STPG2: variants seen among roughly 807,000 people sequenced by gnomAD.
The protein encoded by STPG2 is sperm tail PG-rich repeat containing 2.
STPG2 carries 56 observed loss-of-function variants against 54.2 expected under a neutral mutation model. The observed-to-expected ratio is 1.03, with a 90% CI of 0.83 to 1.29. The LOEUF (loss-of-function observed/expected upper bound fraction) is 1.29, where lower values mean the gene tolerates loss of function less well. Ranked by LOEUF, STPG2 falls within the 50% of genes most tolerant of loss-of-function variation. The probability of loss-of-function intolerance (pLI) is 0.00; values close to 1 mark genes in which losing one functional copy is unlikely to be tolerated. For missense variants in STPG2, 596 were observed against 544.9 expected (o/e 1.09, Z -0.93); for synonymous variants, 200 against 181.8 (o/e 1.10, Z -0.81).
intron 4 of STPG2, among the ~76,000 whole-genome samples, chr4:97,553,555 G>A (rs1423636546): frequency 1.3e-5 from 2 of 152,078 alleles, no homozygotes; most frequent in African/African-American, 4.8e-5. Flanking sequence ...CAGATTCTCA[G>A]TATCTGCTTA....
chr4:97,747,366 T>C (rs1298279817), intron 9 of STPG2, among the ~76,000 whole-genome samples: 1 of 151,420 alleles, frequency 6.6e-6, no homozygotes, highest in Non-Finnish European at 1.5e-5. Context: ...GCAATGGAGC[T>C]TAATCCATGT....
At chr4:97,813,268 C>T (rs13105521) in intron 9 of STPG2, among the ~76,000 whole-genome samples, 40,416 of 151,870 alleles carry the variant, frequency 0.27, 5,787 homozygotes, top group Middle Eastern at 0.37. Context: ...AAATGGAAGG[C>T]TACCTATCAG....
intron 10 of STPG2, among the ~76,000 whole-genome samples, chr4:97,657,701 G>A (rs1238036197): frequency 1.3e-5 from 2 of 152,124 alleles, no homozygotes; most frequent in Admixed American, 6.5e-5. Flanking sequence ...ATTGTTTGAT[G>A]TGAACTCAAA....
At chr4:97,719,301 G>C (rs1360039909) in intron 9 of STPG2, among the ~76,000 whole-genome samples, 1 of 151,838 alleles carries the variant, frequency 6.6e-6, no homozygotes, top group Non-Finnish European at 1.5e-5. Flanking sequence ...GGCTGAACTT[G>C]TTGTAGGGCA....
At chr4:97,909,316 C>T (rs1731587374) in intron 8 of STPG2, among the ~76,000 whole-genome samples, 1 of 151,966 alleles carries the variant, frequency 6.6e-6, no homozygotes, top group Non-Finnish European at 1.5e-5. Context: ...TCTAAATCTA[C>T]CAAATCTACC....
At chr4:97,543,340 G>A (rs915290573) in intron 4 of STPG2, among the ~76,000 whole-genome samples, 5 of 151,590 alleles carry the variant, frequency 3.3e-5, no homozygotes, top group East Asian at 1.9e-4. Flanking sequence ...TTAGAAATAC[G>A]CTTATGAAAA....
chr4:97,739,229 T>C (rs2149034429), intron 9 of STPG2, among the ~76,000 whole-genome samples: 1 of 151,662 alleles, frequency 6.6e-6, no homozygotes, highest in South Asian at 2.1e-4. Context: ...TAGAGAGAAA[T>C]TTATAGTACT....
intron 10 of STPG2, among the ~76,000 whole-genome samples, chr4:97,686,947 T>TC (rs1723210280): frequency 6.7e-6 from 1 of 149,856 alleles, no homozygotes; most frequent in African/African-American, 2.5e-5. Context: ...TATTATTTTT[T>TC]TTTTTGAGAG....
intron 8 of STPG2, among the ~76,000 whole-genome samples, chr4:97,929,359 T>C (rs1392655018): frequency 6.6e-6 from 1 of 152,194 alleles, no homozygotes; most frequent in Non-Finnish European, 1.5e-5. Flanking sequence ...GTCTTTATGG[T>C]AGAACAATTT....
chr4:97,942,267 T>C lies in STPG2; in HGVS notation c.1044+1630A>G, dbSNP rs1469267721. On this transcript the variant is annotated intron_variant, in intron 8 of 10. Coordinates refer to ENST00000295268, the MANE Select transcript of STPG2 (RefSeq NM_174952.3). ...ATATTATGATAGAAATAACTTTGAA[T>C]CCATTCAATGACTCCTAAGCATAAA... 3.9e-5 allele frequency among the ~76,000 whole-genome samples: 6 copies of C among 151,900 alleles called. No individual in the cohort carries two copies. In the South Asian group the frequency reaches 1.2e-3, roughly 32 times the overall value.
At chr4:97,877,187 T>C (rs1457821892) in intron 8 of STPG2, among the ~76,000 whole-genome samples, 7 of 152,202 alleles carry the variant, frequency 4.6e-5, no homozygotes, top group Admixed American at 3.3e-4. Flanking sequence ...ACTGAAACTT[T>C]GTACCCTTTA....
chr4:98,018,176 C>A (rs530675254), intron 5 of STPG2, among the ~76,000 whole-genome samples: 91 of 151,902 alleles, frequency 6.0e-4, no homozygotes, highest in Admixed American at 2.8e-3. Flanking sequence ...CCCATCCCCA[C>A]CCCACAACAG....
intron 4 of STPG2, among the ~76,000 whole-genome samples, chr4:97,475,445 A>C (rs1325613279): frequency 2.7e-5 from 4 of 149,768 alleles, no homozygotes; most frequent in Non-Finnish European, 4.4e-5. Flanking sequence ...TTTTCACTTA[A>C]TCTAACATAT....
At chr4:97,712,997 A>G (rs1724173017) in intron 9 of STPG2, among the ~76,000 whole-genome samples, 183 bp from the exon 10 acceptor site, 1 of 152,226 alleles carries the variant, frequency 6.6e-6, no homozygotes, top group South Asian at 2.1e-4. Context: ...AGCATAAGAT[A>G]GTGGCATCTG....
chr4:97,905,000 G>A (rs549089723), intron 8 of STPG2, among the ~76,000 whole-genome samples: 27 of 152,110 alleles, frequency 1.8e-4, no homozygotes, highest in African/African-American at 5.5e-4. Flanking sequence ...TGAAAGTGAC[G>A]GGGAGAATGG....
intron 5 of STPG2, among the ~76,000 whole-genome samples, chr4:98,018,166 C>G (rs1025364081): frequency 5.9e-5 from 9 of 152,048 alleles, no homozygotes; most frequent in Non-Finnish European, 1.3e-4. Context: ...TATCCCTCCC[C>G]CCATCCCCAC....
chr4:97,723,124 A>G (rs751274459), intron 9 of STPG2, among the ~76,000 whole-genome samples: 18 of 151,926 alleles, frequency 1.2e-4, no homozygotes, highest in Non-Finnish European at 2.5e-4. Context: ...GTCCCTGCCA[A>G]TTTTAAATAT....
In STPG2 at chr4:97,614,955, C is replaced by T. The variant is rs182615530; in HGVS notation, c.1321-55838G>A. ...GGGTACAAATAAGGTGAACTTTTTT[C>T]CTTGCAAATTGATGTGAATACTCTG... On this transcript the variant is annotated intron_variant, in intron 10 of 10. Coordinates refer to ENST00000295268, the MANE Select transcript of STPG2 (RefSeq NM_174952.3). 9.1e-4 allele frequency among the ~76,000 whole-genome samples: 139 copies of T among 152,160 alleles called. 2 individuals carry two copies. The highest frequency in any genetic ancestry group is 3.4e-3 in the Middle Eastern group (1 of 294).
At chr4:97,556,978 C>T (rs1253761516), downstream of STPG2, among the ~76,000 whole-genome samples, 1 of 152,128 alleles carries the variant, frequency 6.6e-6, no homozygotes, top group Non-Finnish European at 1.5e-5. Flanking sequence ...GTCAAGAGCT[C>T]GAGACCATCC....
Sources: gnomAD v4.1 joint callset for allele counts (sites outside exome capture counted in the v4.1 genomes callset) on GRCh38, gnomAD v4.1.1 for gene constraint, MANE v1.5 for transcripts, NCBI Gene and HGNC (gene_info 2026-07-23, HGNC 2026-07-21) for gene names.